NOP58: variants seen among roughly 807,000 people sequenced by gnomAD.
The protein encoded by NOP58 is NOP58 ribonucleoprotein.
In NOP58, 44 loss-of-function variants were observed where a neutral mutation model predicts 71.2. The observed-to-expected ratio is 0.62, with a 90% confidence interval of 0.49 to 0.79. The LOEUF (loss-of-function observed/expected upper bound fraction) is 0.79, where lower values mean the gene tolerates loss of function less well. Among genes scored for constraint, NOP58 ranks in the 30% least tolerant of loss-of-function variants. NOP58 has a pLI of 0.00. For synonymous variants in NOP58, 228 were observed against 200.3 expected (o/e 1.14, Z -1.17); for missense variants, 538 against 620.2 (o/e 0.87, Z 1.41).
At chr2:202,299,533 T>C (rs183592713) in intron 12 of NOP58, among the ~76,000 whole-genome samples, 2 of 152,250 alleles carry the variant, frequency 1.3e-5, no homozygotes, top group South Asian at 4.1e-4. Context: ...GTCTTTAACC[T>C]AAAAAAATTA....
intron 2 of NOP58, chr2:202,276,569 A>T: frequency 2.2e-6 from 1 of 445,936 alleles, no homozygotes. Flanking sequence ...GCTGGGCGTG[A>T]TGGCTCACAC....
chr2:202,303,018 A>G lies in NOP58; in HGVS notation c.1500A>G (p.Pro500=). The G allele has an allele frequency of 1.2e-6, 2 of 1,612,836 alleles. No individual in the cohort carries two copies. Among genetic ancestry groups the G allele is most frequent in the African/African-American group, 1.3e-5 (1 of 75,026 alleles). The change falls in exon 14 of 15, where the codon CCA becomes CCG. Residue 500 remains proline (P), a synonymous_variant. Transcript: ENST00000264279. ...RGKKKHIKEE[P]LSEEEPCTST... Reference sequence around the variant, plus strand: ...AAAAGAAACACATTAAGGAAGAACCACTTTCTGAGGAAGAACCATGTACCA... The same window carrying G: ...AAAAGAAACACATTAAGGAAGAACCGCTTTCTGAGGAAGAACCATGTACCA...
chr2:202,295,671 T>A lies in NOP58; in HGVS notation c.908-3T>A. The A allele has an allele frequency of 1.3e-6, 2 of 1,563,058 alleles. No homozygotes were observed. The highest frequency in any genetic ancestry group is 1.7e-6 in the Non-Finnish European group (2 of 1,156,840). On this transcript the variant is annotated splice_region_variant and splice_polypyrimidine_tract_variant and intron_variant, in intron 9 of 14. Transcript: ENST00000264279. ...CATTCTTTGTAACTTTTTTCTTTTGTAGGTTCTCTTTTAAATTTGGCCAAG... is the reference window on the plus strand; with the variant it reads ...CATTCTTTGTAACTTTTTTCTTTTGAAGGTTCTCTTTTAAATTTGGCCAAG...
intron 9 of NOP58, 115 bp from the exon 10 acceptor site, chr2:202,295,559 A>G (rs1168154466): frequency 1.1e-5 from 8 of 726,462 alleles, no homozygotes; most frequent in African/African-American, 1.8e-5. Context: ...ATTCTATATT[A>G]TATGTGATTT....
Position 202,295,763 on chromosome 2 carries a change from C to G in NOP58, c.997C>G (p.Arg333Gly), listed in dbSNP as rs748623051. Residue 333 changes from arginine to glycine, a missense_variant, in exon 10 of 15, where the codon CGG becomes GGG. Physicochemically the swap from Arg to Gly is moderately radical, Grantham distance 125. Transcript: ENST00000264279. ...ACTTTTCAGAGCCCTCAAATCTAGACGGGATACCCCTAAGTATGGTCTCAT... is the reference window on the plus strand; with the variant it reads ...ACTTTTCAGAGCCCTCAAATCTAGAGGGGATACCCCTAAGTATGGTCTCAT... ...KALFRALKSRRDTPKYGLIYH... is the reference protein window; with the variant it reads ...KALFRALKSRGDTPKYGLIYH... The G allele has an allele frequency of 8.1e-6, 13 of 1,611,700 alleles. No individual in the cohort carries two copies. The South Asian group carries it at 1.4e-4, about 18-fold the overall frequency.
rs2105860649 is a variant in NOP58, at chr2:202,303,408, AG to A, written c.1563del (p.Lys524ArgfsTer22). On this transcript the variant is annotated frameshift_variant, in exon 15 of 15. Transcript: ENST00000264279. LOFTEE classifies it high-confidence loss of function. ...CAGAGTCCAGAGAAAAAGAAGAAAAAGAAAAAAAAGAGAGAGAACGAGGATT... is the reference window on the plus strand; with the variant it reads ...CAGAGTCCAGAGAAAAAGAAGAAAAAAAAAAAAAGAGAGAGAACGAGGATT... Reference protein sequence around the residue: ...AIASPEKKKKKKKKRENED With the variant: ...AIASPEKKKKXKKKRENED 1 of 1,612,532 alleles carries A rather than the reference AG, an allele frequency of 6.2e-7. No homozygotes were observed. The highest frequency in any genetic ancestry group is 2.2e-5 in the East Asian group (1 of 44,828).
chr2:202,302,811 T>G, intron 13 of NOP58, 110 bp from the exon 14 acceptor site: 1 of 1,392,856 alleles, frequency 7.2e-7, no homozygotes, highest in Non-Finnish European at 9.6e-7. Context: ...AAAACAAACA[T>G]TGGGTAGTTG....
intron 3 of NOP58, among the ~76,000 whole-genome samples, chr2:202,280,181 G>C (rs1224821257): frequency 6.6e-6 from 1 of 152,182 alleles, no homozygotes; most frequent in African/African-American, 2.4e-5. Context: ...AAATGTCACA[G>C]TGTACATTTT....
At chr2:202,282,274 TTA>T in intron 3 of NOP58, 75 bp from the exon 4 acceptor site, 1 of 1,228,612 alleles carries the variant, frequency 8.1e-7, no homozygotes. Context: ...TTTTATTTTT[TTA>T]AGTGTCAACT....
At chr2:202,285,341 ATT>A (rs932875625) in intron 5 of NOP58, among the ~76,000 whole-genome samples, 135 of 81,242 alleles carry the variant, frequency 1.7e-3, no homozygotes, top group African/African-American at 6.5e-3. Context: ...CACACCCGGC[ATT>A]TTTTTTTTTT....
intron 2 of NOP58, chr2:202,276,365 G>A (rs1574377983): frequency 5.9e-6 from 2 of 340,068 alleles, no homozygotes; most frequent in South Asian, 2.2e-5. Context: ...AGATGACACT[G>A]TTTTAGGCAA....
intron 1 of NOP58, among the ~76,000 whole-genome samples, chr2:202,273,872 G>A (rs1263468889): frequency 2.0e-5 from 3 of 151,908 alleles, no homozygotes; most frequent in African/African-American, 7.3e-5. Context: ...GAACCCGGGA[G>A]GCGGAGGCTG....
rs760356200 is a variant in NOP58, at chr2:202,292,953, G to C, written c.907+50G>C. Reference sequence around the variant, plus strand: ...AATATGAGTGTTTGAAGTATTTTCTGGTTAGGATTTTGTTTACATCTTTAA... The same window carrying C: ...AATATGAGTGTTTGAAGTATTTTCTCGTTAGGATTTTGTTTACATCTTTAA... On this transcript the variant is annotated intron_variant, in intron 9 of 14. Transcript: ENST00000264279. 4 of 1,604,020 alleles carry C rather than the reference G, an allele frequency of 2.5e-6. No homozygotes were observed. In the Admixed American group the frequency reaches 6.7e-5, roughly 27 times the overall value.
At chr2:202,272,901 G>A (rs1481620056) in intron 1 of NOP58, among the ~76,000 whole-genome samples, 3 of 152,186 alleles carry the variant, frequency 2.0e-5, no homozygotes, top group Non-Finnish European at 4.4e-5. Context: ...TTGGGAGGCC[G>A]AGGTGGGTGC....
At chr2:202,277,308 A>G (rs1482068090) in intron 2 of NOP58, among the ~76,000 whole-genome samples, 3 of 151,518 alleles carry the variant, frequency 2.0e-5, no homozygotes, top group Admixed American at 2.0e-4. Context: ...CTGTCTCAAA[A>G]AAAAAAAACA....
chr2:202,292,852 G>A lies in NOP58; in HGVS notation c.856G>A (p.Val286Ile). The A allele has an allele frequency of 1.2e-6, 2 of 1,613,944 alleles. No homozygotes were observed. The highest frequency in any genetic ancestry group is 1.7e-6 in the Non-Finnish European group (2 of 1,179,788). Residue 286 changes from valine (V) to isoleucine (I), a missense_variant, in exon 9 of 15, where the codon GTT (valine) becomes ATT (isoleucine). Coordinates refer to ENST00000264279, the MANE Select transcript of NOP58 (RefSeq NM_015934.5). ...QNRMMAIAPNVTVMVGELVGA... is the reference protein window; with the variant it reads ...QNRMMAIAPNITVMVGELVGA... ...TCGAATGATGGCCATTGCACCCAATGTTACAGTCATGGTTGGGGAATTAGT... is the reference window on the plus strand; with the variant it reads ...TCGAATGATGGCCATTGCACCCAATATTACAGTCATGGTTGGGGAATTAGT...
chr2:202,280,041 A>G (rs1688674257), intron 3 of NOP58, among the ~76,000 whole-genome samples: 1 of 152,232 alleles, frequency 6.6e-6, no homozygotes, highest in South Asian at 2.1e-4. Context: ...GCCTTTTCCT[A>G]TCTGTTTTCA....
chr2:202,273,795 T>A (rs1187737775), intron 1 of NOP58, among the ~76,000 whole-genome samples: 7 of 151,930 alleles, frequency 4.6e-5, no homozygotes, highest in African/African-American at 1.7e-4. Flanking sequence ...ATACAAAAAC[T>A]AGTTGGGTGT....
chr2:202,291,899 T>G (rs1688907111), intron 8 of NOP58, among the ~76,000 whole-genome samples: 1 of 150,932 alleles, frequency 6.6e-6, no homozygotes, highest in Non-Finnish European at 1.5e-5. Context: ...GATTTTTTTT[T>G]CTTTCAGATT....
Sources: gnomAD v4.1 joint callset for allele counts (sites outside exome capture counted in the v4.1 genomes callset) on GRCh38, gnomAD v4.1.1 for gene constraint, MANE v1.5 for transcripts, NCBI Gene and HGNC (gene_info 2026-07-23, HGNC 2026-07-21) for gene names.